Variants in ZER1 observed in about 807,000 individuals in gnomAD.
ZER1 encodes the protein protein zer-1 homolog.
ZER1 carries 11 observed loss-of-function variants against 78.8 expected under a neutral mutation model. The observed-to-expected ratio is 0.14, with a 90% CI of 0.09 to 0.23. The LOEUF is 0.23. Among genes scored for constraint, ZER1 ranks in the 10% least tolerant of loss-of-function variants. ZER1 has a pLI of 1.00. For missense variants in ZER1, 588 were observed against 996.9 expected, an observed-to-expected ratio of 0.59 and a Z score of 5.52; for synonymous variants, 400 against 407.0, an observed-to-expected ratio of 0.98 and a Z score of 0.21.
chr9:128,735,182 G>A, intron 14 of ZER1, 152 bp downstream of exon 14: 1 of 685,090 alleles, frequency 1.5e-6, no homozygotes, highest in Non-Finnish European at 2.4e-6. Flanking sequence ...TAAGCTGGGT[G>A]TCCCACAAAC....
At position 128,768,553 on chromosome 9, in the gene ZER1, C is replaced by T. The variant is rs1036036915; in HGVS notation, c.-95+3028G>A. 5.3e-5 allele frequency among the ~76,000 whole-genome samples: 8 copies of T among 152,138 alleles called. No homozygotes were observed. The East Asian group carries it at 5.8e-4, about 11-fold the overall frequency. On this transcript the variant is annotated intron_variant, in intron 1 of 15. Coordinates refer to ENST00000291900, the MANE Select transcript of ZER1 (RefSeq NM_006336.4). ...GCAGAGCCGGGATTTGAACCAGGTC[C>T]GCAGGTCACCAGCCTGGGGTTCTAC...
In ZER1 at chr9:128,740,185, G is replaced by T; in HGVS notation, c.1854-66C>A. ...AGTTTCTCTTCAGATACCAGCGGCA[G>T]GACCCCAACTTAAAACCAGAAGCAA... is the stretch of plus-strand genomic sequence containing the variant. On this transcript the variant is annotated intron_variant, in intron 12 of 15. Coordinates refer to ENST00000291900, the MANE Select transcript of ZER1 (RefSeq NM_006336.4). This position sits in a 1 kb window ranked among gnomAD's most constrained non-coding sequence, Gnocchi z 4.4. 1 of 1,465,722 alleles carries T rather than the reference G, an allele frequency of 6.8e-7. No homozygotes were observed. The highest frequency in any genetic ancestry group is 9.2e-7 in the Non-Finnish European group (1 of 1,087,224). 90.8% of individuals were successfully genotyped at this position (1,465,722 alleles called of 1,614,324 possible). A position where few individuals can be genotyped will look rare whatever the true frequency, so the allele number is the denominator to read the frequency against.
chr9:128,770,566 T>G (rs1864351692), intron 1 of ZER1, among the ~76,000 whole-genome samples: 1 of 152,128 alleles, frequency 6.6e-6, no homozygotes, highest in Non-Finnish European at 1.5e-5. Flanking sequence ...CTGAACACCC[T>G]CTATAAAATG....
At chr9:128,758,579 C>T (rs1040549479) in intron 1 of ZER1, among the ~76,000 whole-genome samples, 3 of 152,078 alleles carry the variant, frequency 2.0e-5, no homozygotes, top group Non-Finnish European at 4.4e-5. Flanking sequence ...TCACCACACC[C>T]GGCTAATCTT....
At chr9:128,762,208 A>C (rs1351228653) in intron 1 of ZER1, among the ~76,000 whole-genome samples, 1 of 152,058 alleles carries the variant, frequency 6.6e-6, no homozygotes, top group Admixed American at 6.6e-5. Context: ...AGGGAAGCTA[A>C]AAGATTGGAC....
Position 128,740,665 on chromosome 9 carries a change from C to T in ZER1, c.1853+107G>A, listed in dbSNP as rs1161794132. The T allele has an allele frequency of 6.3e-6, 4 of 637,520 alleles. No homozygotes were observed. The highest frequency in any genetic ancestry group is 8.6e-6 in the Non-Finnish European group (3 of 347,458). The allele number at this position is 637,520 out of a possible 1,614,324, so 39.5% of individuals were successfully genotyped here. ...AAACCACATTATCGAGGGAAAATGA[C>T]ATTTATAGCAAACCTAGGCTAAGAG... On this transcript the variant is annotated intron_variant, in intron 12 of 15. Coordinates refer to ENST00000291900, the MANE Select transcript of ZER1 (RefSeq NM_006336.4). This position sits in a 1 kb window ranked among gnomAD's most constrained non-coding sequence, Gnocchi z 4.4.
At chr9:128,739,386 C>G (rs1237674888) in intron 13 of ZER1, among the ~76,000 whole-genome samples, 1 of 151,498 alleles carries the variant, frequency 6.6e-6, no homozygotes, top group African/African-American at 2.4e-5. Context: ...GCCTGTAATC[C>G]CAGCTACTCT....
In ZER1 at chr9:128,740,603, T is replaced by C. The variant is rs1454596584; in HGVS notation, c.1853+169A>G. On this transcript the variant is annotated intron_variant, in intron 12 of 15. Transcript: ENST00000291900. The surrounding 1 kb of genome is among the most constrained non-coding windows in gnomAD (Gnocchi z 4.4). Reference sequence around the variant, plus strand: ...TCAAAAAAAAAAAAAAAGATATAATTACAAAAGGACCACTTACGAAGGATT... The same window carrying C: ...TCAAAAAAAAAAAAAAAGATATAATCACAAAAGGACCACTTACGAAGGATT... Among the ~76,000 whole-genome samples, 1 of 151,502 alleles carries C rather than the reference T, an allele frequency of 6.6e-6. No homozygotes were observed. The highest frequency in any genetic ancestry group is 1.5e-5 in the Non-Finnish European group (1 of 67,888).
intron 1 of ZER1, among the ~76,000 whole-genome samples, chr9:128,761,539 G>GA (rs397686355): frequency 0.04 from 2 of 50 alleles, no homozygotes; most frequent in Non-Finnish European, 0.083. Context: ...CACCCGCCTC[G>GA]CCTCCCAAAA....
chr9:128,759,337 ATT>A (rs35419870), intron 1 of ZER1, among the ~76,000 whole-genome samples: 61 of 133,022 alleles, frequency 4.6e-4, no homozygotes, highest in Admixed American at 5.3e-4. Context: ...CACCCAGCTA[ATT>A]TTTTTTTTTT....
intron 1 of ZER1, among the ~76,000 whole-genome samples, chr9:128,756,411 AGAGT>A (rs1351485599): frequency 6.6e-6 from 1 of 152,262 alleles, no homozygotes; most frequent in Admixed American, 6.5e-5. Context: ...CCTGGGCGAC[AGAGT>A]GAGACTCCAT....
chr9:128,760,602 G>A (rs1173657766), intron 1 of ZER1, among the ~76,000 whole-genome samples: 1 of 151,946 alleles, frequency 6.6e-6, no homozygotes, highest in African/African-American at 2.4e-5. Context: ...CTCCATTGAG[G>A]CCAACATAGT....
intron 14 of ZER1, among the ~76,000 whole-genome samples, chr9:128,734,162 TAAAATCTTAAAAAAA>T (rs1564389975): frequency 1.9e-4 from 12 of 63,394 alleles, no homozygotes; most frequent in Non-Finnish European, 3.0e-4. Context: ...TATATATATA[TAAAATCTTAAAAAAA>T]ATATATATAT....
intron 8 of ZER1, chr9:128,746,032 G>A (rs1260943110): frequency 6.6e-6 from 1 of 151,836 alleles, no homozygotes; most frequent in Non-Finnish European, 1.5e-5. Context: ...TAGAGATGGA[G>A]TTTCGCCATG....
chr9:128,733,429 G>A lies in ZER1; in HGVS notation c.2240C>T (p.Ala747Val). ...ATARQETKEM[A>V]RKVIEHCSNF... ...AAACACACTGCTGGTCTCTTACCGG[G>A]CCATTTCCTTGGTCTCCTGCCGTGC... Residue 747 changes from alanine to valine, a missense_variant, in exon 15 of 16, where the codon GCC (alanine) becomes GTC (valine). This residue lies in a region of ZER1 where 122 missense variants were observed against 173.5 expected (regional missense o/e 0.70). Coordinates refer to ENST00000291900, the MANE Select transcript of ZER1 (RefSeq NM_006336.4). 6.2e-7 allele frequency: 1 copy of A among 1,613,636 alleles called. No homozygotes were observed. Among genetic ancestry groups the A allele is most frequent in the Non-Finnish European group, 8.5e-7 (1 of 1,179,782 alleles).
rs150789192 is a variant in ZER1 at position 128,750,552 on chromosome 9, C to T, written c.1359+64G>A. 1,155 of 1,577,966 alleles carry T rather than the reference C, an allele frequency of 7.3e-4. 2 individuals are homozygous for T. Among genetic ancestry groups the T allele is most frequent in the Middle Eastern group, 3.5e-3 (20 of 5,702 alleles). On this transcript the variant is annotated intron_variant, in intron 8 of 15. Transcript: ENST00000291900. Reference sequence around the variant, plus strand: ...CAGAGCCGGGGGAGCCCTAGCGGGACGCAAGAAGCAGGAAAGGGGTGGCTG... The same window carrying T: ...CAGAGCCGGGGGAGCCCTAGCGGGATGCAAGAAGCAGGAAAGGGGTGGCTG...
chr9:128,752,327 CTT>C (rs144410732), intron 5 of ZER1, among the ~76,000 whole-genome samples: 38 of 143,200 alleles, frequency 2.7e-4, no homozygotes, highest in Non-Finnish European at 2.0e-4. Flanking sequence ...CAAATACTTT[CTT>C]TTTTTTTTTT....
At position 128,755,050 on chromosome 9, in the gene ZER1, G is replaced by A. The variant is rs1863812131; in HGVS notation, c.158+358C>T. Among the ~76,000 whole-genome samples the A allele has an allele frequency of 2.0e-5, 3 of 152,150 alleles. No homozygotes were observed. The South Asian group carries it at 6.2e-4, about 32-fold the overall frequency. ...TGCATGTGAATGTACATACACGTGT[G>A]GGGCAACACTTAATTCCTTCATTTA... On this transcript the variant is annotated intron_variant, in intron 2 of 15. Transcript: ENST00000291900. The surrounding 1 kb of genome is among the most constrained non-coding windows in gnomAD (Gnocchi z 5.6).
rs1429596097 is a variant in ZER1, at chr9:128,735,766, T to G, written c.2043-335A>C. 3.5e-4 allele frequency among the ~76,000 whole-genome samples: 37 copies of G among 106,560 alleles called. 8 individuals carry two copies. The highest frequency in any genetic ancestry group is 1.4e-3 in the African/African-American group (32 of 22,776). 69.9% of individuals were successfully genotyped at this position (106,560 alleles called of 152,430 possible). On this transcript the variant is annotated intron_variant, in intron 13 of 15. Transcript: ENST00000291900. ...ACAGAAGCACGTGTGACCTGGTTTTTTTTTTTTTTTTTTTTTTTTTTTTTT... is the reference window on the plus strand; with the variant it reads ...ACAGAAGCACGTGTGACCTGGTTTTGTTTTTTTTTTTTTTTTTTTTTTTTT...
Sources: allele counts gnomAD v4.1 joint callset (sites outside exome capture counted in the v4.1 genomes callset), GRCh38; gene constraint gnomAD v4.1.1; regional missense constraint gnomAD v4.1.1; non-coding constraint Gnocchi (gnomAD v3.1); transcripts MANE v1.5; gene names NCBI Gene and HGNC (gene_info 2026-07-23, HGNC 2026-07-21).